The following OCIAD1 variants were observed in gnomAD, a reference collection of about 807,000 sequenced individuals.
OCIAD1 encodes OCIA domain-containing protein 1.
In OCIAD1, 29 loss-of-function variants were observed where a neutral mutation model predicts 38.9. That is an observed-to-expected ratio of 0.74 (90% CI 0.55 to 1.02). The LOEUF is 1.02. Among genes scored for constraint, OCIAD1 ranks in the 50% least tolerant of loss-of-function variants. OCIAD1 has a pLI of 0.00. For synonymous variants in OCIAD1, 110 were observed against 92.0 expected, an observed-to-expected ratio of 1.20 and a Z score of -1.12; for missense variants, 288 against 289.6, an observed-to-expected ratio of 0.99 and a Z score of 0.04.
At chr4:48,820,562 T>G (rs1432459821) in intron 1 of OCIAD1, among the ~76,000 whole-genome samples, 1 of 152,026 alleles carries the variant, frequency 6.6e-6, no homozygotes, top group African/African-American at 2.4e-5. Flanking sequence ...AGAGCAGAAC[T>G]GAAGGAGATA....
chr4:48,820,424 C>T (rs1777183673), intron 1 of OCIAD1, among the ~76,000 whole-genome samples: 1 of 152,180 alleles, frequency 6.6e-6, no homozygotes, highest in African/African-American at 2.4e-5. Flanking sequence ...AAATTTATAG[C>T]ACTTAATGCC....
At chr4:48,816,617 T>C (rs1777146260) in intron 1 of OCIAD1, among the ~76,000 whole-genome samples, 1 of 152,196 alleles carries the variant, frequency 6.6e-6, no homozygotes, top group South Asian at 2.1e-4. Flanking sequence ...AATAATATCT[T>C]TTAAAACTTG....
At chr4:48,850,607 C>G (rs944251005) in intron 6 of OCIAD1, among the ~76,000 whole-genome samples, 2 of 152,102 alleles carry the variant, frequency 1.3e-5, no homozygotes, top group African/African-American at 4.8e-5. Flanking sequence ...GAGTTTCACT[C>G]TGGCTCCCAG....
At chr4:48,858,111 G>A (rs1322131600) in intron 8 of OCIAD1, among the ~76,000 whole-genome samples, 3 of 152,082 alleles carry the variant, frequency 2.0e-5, no homozygotes, top group African/African-American at 4.8e-5. Flanking sequence ...CCGACATCAC[G>A]CCACTGCACT....
At chr4:48,816,465 G>A (rs1199859048) in intron 1 of OCIAD1, among the ~76,000 whole-genome samples, 6 of 151,566 alleles carry the variant, frequency 4.0e-5, no homozygotes, top group African/African-American at 1.5e-4. Context: ...CCTGGGAGGC[G>A]GAGGTTGCAG....
chr4:48,832,883 G>A (rs980328017), intron 2 of OCIAD1: 1 of 560,062 alleles, frequency 1.8e-6, no homozygotes, highest in Non-Finnish European at 3.2e-6. Context: ...TTTGCACTGG[G>A]CCCAGCACAT....
intron 1 of OCIAD1, among the ~76,000 whole-genome samples, chr4:48,822,222 G>T (rs1178909072): frequency 6.6e-6 from 1 of 152,168 alleles, no homozygotes; most frequent in Non-Finnish European, 1.5e-5. Flanking sequence ...ACAGAACAGA[G>T]ACCTCAGAAA....
chr4:48,831,567 C>A (rs1381520508), intron 1 of OCIAD1: 1 of 1,289,928 alleles, frequency 7.8e-7, no homozygotes, highest in Non-Finnish European at 1.0e-6. Context: ...GGCTTTAATC[C>A]AGCGTTGTTT....
intron 1 of OCIAD1, among the ~76,000 whole-genome samples, chr4:48,810,386 G>A (rs778156071): frequency 6.0e-5 from 9 of 150,126 alleles, no homozygotes; most frequent in Non-Finnish European, 1.0e-4. Flanking sequence ...GGAGAATGGC[G>A]TGAACCCGGG....
rs1394258953 is a variant in OCIAD1 at position 48,851,952 on chromosome 4, G to A, written c.524G>A (p.Gly175Asp). 1 of 1,607,544 alleles carries A rather than the reference G, an allele frequency of 6.2e-7. No homozygotes were observed. The highest frequency in any genetic ancestry group is 1.3e-5 in the African/African-American group (1 of 74,708). ...TCTATGAATGAATCTGCTCCCACTG[G>A]TATTACTGATCATATTGTCCAAGGT... ...SSSMNESAPT[G>D]ITDHIVQGPD... Residue 175 changes from glycine to aspartate, a missense_variant, in exon 7 of 9, where the codon GGT becomes GAT. Physicochemically the swap from Gly to Asp is moderately conservative, Grantham distance 94. Transcript: ENST00000264312.
intron 7 of OCIAD1, chr4:48,855,847 CATT>C (rs1356733396): frequency 3.3e-5 from 5 of 150,516 alleles, no homozygotes; most frequent in Non-Finnish European, 7.4e-5. Context: ...TGGTTGAAAA[CATT>C]ATTTAATGTA....
chr4:48,827,906 T>C (rs2109500430), upstream of OCIAD1, among the ~76,000 whole-genome samples: 1 of 152,320 alleles, frequency 6.6e-6, no homozygotes, highest in Non-Finnish European at 1.5e-5. Context: ...TATGCACCAA[T>C]CAGCACTCTG....
chr4:48,825,543 C>T (rs1019051461), intron 1 of OCIAD1, among the ~76,000 whole-genome samples: 15 of 152,096 alleles, frequency 9.9e-5, no homozygotes, highest in African/African-American at 2.9e-4. Context: ...ATAGGAATAC[C>T]ATTAGACTTT....
chr4:48,833,971 T>C (rs1777758083), intron 3 of OCIAD1, among the ~76,000 whole-genome samples: 2 of 152,150 alleles, frequency 1.3e-5, no homozygotes, highest in African/African-American at 4.8e-5. Context: ...AATGTTGTTA[T>C]ACTACCAGCT....
chr4:48,828,239 G>C (rs560413794), upstream of OCIAD1, among the ~76,000 whole-genome samples: 13 of 151,696 alleles, frequency 8.6e-5, no homozygotes, highest in Admixed American at 8.5e-4. Flanking sequence ...TTTGTGTCTA[G>C]CTAAAGGATT....
rs77278185 is a variant in OCIAD1 at position 48,807,271 on chromosome 4, G to A, written c.-103+1941G>A. The stretch of plus-strand genomic sequence containing the variant: ...GCAGTTCAGGTTTATAGTGAGCTAC[G>A]ATTGAGCCACTGCACTCCAGCCTGG... On this transcript the variant is annotated intron_variant, in intron 1 of 6. Transcript: ENST00000504654. 2.9e-3 allele frequency among the ~76,000 whole-genome samples: 443 copies of A among 151,492 alleles called. 1 individual carries two copies. The highest frequency in any genetic ancestry group is 0.01 in the African/African-American group (421 of 41,290).
At chr4:48,829,259 TA>T (rs1203075134), upstream of OCIAD1, among the ~76,000 whole-genome samples, 151 of 145,156 alleles carry the variant, frequency 1.0e-3, no homozygotes, top group African/African-American at 2.2e-3. Flanking sequence ...GGCCCTGTCC[TA>T]AAAAAAAAAA....
Position 48,848,407 on chromosome 4 carries a change from T to C in OCIAD1, c.202T>C (p.Ser68Pro). 11 of 1,491,496 alleles carry C rather than the reference T, an allele frequency of 7.4e-6. No individual in the cohort carries two copies. The highest frequency in any genetic ancestry group is 1.0e-5 in the Non-Finnish European group (11 of 1,072,616). 92.4% of individuals were successfully genotyped at this position (1,491,496 alleles called of 1,614,324 possible). Residue 68 changes from serine to proline, a missense_variant, in exon 5 of 9, where the codon TCA (serine) becomes CCA (proline). Physicochemically the swap from Ser to Pro is moderately conservative, Grantham distance 74. Transcript: ENST00000264312. Reference protein sequence around the residue: ...TQGLISKGILSSHPKYGSIPK... With the variant: ...TQGLISKGILPSHPKYGSIPK... ...TTAACTCTTTTCTTTAGGAATACTTTCAAGTCATCCCAAATATGGTTCCAT... is the reference window on the plus strand; with the variant it reads ...TTAACTCTTTTCTTTAGGAATACTTCCAAGTCATCCCAAATATGGTTCCAT...
chr4:48,806,564 T>C (rs1384512785), intron 1 of OCIAD1, among the ~76,000 whole-genome samples: 1 of 152,218 alleles, frequency 6.6e-6, no homozygotes, highest in Admixed American at 6.5e-5. Context: ...CACACTGTGG[T>C]TGATAGCACA....
Sources: gnomAD v4.1 joint callset for allele counts (sites outside exome capture counted in the v4.1 genomes callset) on GRCh38, gnomAD v4.1.1 for gene constraint, MANE v1.5 for transcripts, NCBI Gene and HGNC (gene_info 2026-07-23, HGNC 2026-07-21) for gene names.